Variants in RNF212 observed in about 807,000 individuals in gnomAD.
The protein encoded by RNF212 is ring finger protein 212.
In RNF212, 33 loss-of-function variants were observed where a neutral mutation model predicts 34.7. That is an observed-to-expected ratio of 0.95 (90% CI 0.72 to 1.27). The LOEUF (loss-of-function observed/expected upper bound fraction) is 1.27, where lower values mean the gene tolerates loss of function less well. Among genes scored for constraint, RNF212 ranks in the 50% most tolerant of loss-of-function variants. RNF212 has a pLI of 0.00. For missense variants in RNF212, 377 were observed against 362.2 expected (o/e 1.04, Z -0.33); for synonymous variants, 140 against 136.1 (o/e 1.03, Z -0.20).
chr4:1,085,802 T>G, intron 5 of RNF212, 94 bp downstream of exon 5: 2 of 869,564 alleles, frequency 2.3e-6, no homozygotes, highest in Non-Finnish European at 3.9e-6. Context: ...GCATCTGCAG[T>G]CATCTTTCAT....
In RNF212 at chr4:1,072,986, C is replaced by G; in HGVS notation, c.782G>C (p.Arg261Thr). ...CTGCTGGAACGGAAACAAGACGGCC[C>G]TTTGTACCTCAGCATATATTGGAAG... ...KTLPIYAEVQ[R>T]AVLFPFQQAE... Residue 261 changes from arginine (R) to threonine (T), a missense_variant, in exon 10 of 10, where the codon AGG becomes ACG. Coordinates refer to ENST00000433731, the MANE Select transcript of RNF212 (RefSeq NM_001131034.4). 6.2e-7 allele frequency: 1 copy of G among 1,614,168 alleles called. No individual in the cohort carries two copies. Among genetic ancestry groups the G allele is most frequent in the Non-Finnish European group, 8.5e-7 (1 of 1,180,042 alleles).
chr4:1,071,273 C>A (rs1231056518), downstream of RNF212, among the ~76,000 whole-genome samples: 1 of 149,402 alleles, frequency 6.7e-6, no homozygotes, highest in Non-Finnish European at 1.5e-5. Flanking sequence ...AAAAAACTAA[C>A]TTGGTTTTTA....
downstream of RNF212, among the ~76,000 whole-genome samples, chr4:1,069,374 G>A (rs1336708826): frequency 6.6e-6 from 1 of 152,194 alleles, no homozygotes; most frequent in Non-Finnish European, 1.5e-5. Context: ...GTCATTAGGT[G>A]GTTGATTGTT....
At chr4:1,103,478 T>C (rs1196034307) in intron 2 of RNF212, among the ~76,000 whole-genome samples, 1 of 152,200 alleles carries the variant, frequency 6.6e-6, no homozygotes, top group Admixed American at 6.5e-5. Flanking sequence ...CATATGAACA[T>C]AGGTGCAAAA....
At chr4:1,099,862 G>C (rs1409514834) in intron 2 of RNF212, 1 of 456,226 alleles carries the variant, frequency 2.2e-6, no homozygotes, top group Admixed American at 2.3e-5. Flanking sequence ...GGATCCACGG[G>C]GCTCTCCTCA....
chr4:1,066,037 A>G (rs2153033751), intron 3 of RNF212, among the ~76,000 whole-genome samples: 1 of 150,982 alleles, frequency 6.6e-6, no homozygotes, highest in Admixed American at 6.6e-5. Context: ...TTAAATATAT[A>G]GTAGCCATCC....
At chr4:1,109,097 T>C (rs1490472509) in intron 1 of RNF212, among the ~76,000 whole-genome samples, 8 of 147,362 alleles carry the variant, frequency 5.4e-5, no homozygotes, top group African/African-American at 2.0e-4. Context: ...AACCTCCACC[T>C]CCTGGGTTCA....
chr4:1,076,453 C>T lies in RNF212; in HGVS notation c.511-2791G>A, dbSNP rs1385209476. Among the ~76,000 whole-genome samples the T allele has an allele frequency of 4.6e-5, 7 of 152,206 alleles. No homozygotes were observed. The South Asian group carries it at 1.0e-3, about 23-fold the overall frequency. ...GCAGGAACCCCACCAAGAGCACCCC[C>T]GATAATGCTCTTTCCCATGCAGCCC... On this transcript the variant is annotated intron_variant, in intron 8 of 9. Coordinates refer to ENST00000433731, the MANE Select transcript of RNF212 (RefSeq NM_001131034.4).
intron 4 of RNF212, chr4:1,057,152 G>T: frequency 4.3e-6 from 1 of 233,690 alleles, no homozygotes; most frequent in Non-Finnish European, 7.0e-6. Context: ...CCCCCGCCCG[G>T]CGGCCAGCAG....
intron 8 of RNF212, among the ~76,000 whole-genome samples, chr4:1,078,095 C>A (rs1037802143): frequency 3.3e-5 from 5 of 152,208 alleles, no homozygotes; most frequent in African/African-American, 1.2e-4. Context: ...ACCCATGCCA[C>A]AGGGCTGCTA....
At chr4:1,081,137 G>A (rs986469309) in intron 7 of RNF212, among the ~76,000 whole-genome samples, 1 of 152,262 alleles carries the variant, frequency 6.6e-6, no homozygotes, top group Non-Finnish European at 1.5e-5. Context: ...AACGCCAGTT[G>A]AGCGGGGGGC....
At position 1,073,584 on chromosome 4, in the gene RNF212, G is replaced by A; in HGVS notation, c.574+15C>T. On this transcript the variant is annotated intron_variant, in intron 9 of 9. Transcript: ENST00000433731. Reference sequence around the variant, plus strand: ...ATGCATGTATCGGTCTGAGGTTACAGGACATTTTACTTACCCATTCGTCCA... The same window carrying A: ...ATGCATGTATCGGTCTGAGGTTACAAGACATTTTACTTACCCATTCGTCCA... The A allele has an allele frequency of 6.4e-7, 1 of 1,560,706 alleles. No individual in the cohort carries two copies. The highest frequency in any genetic ancestry group is 8.8e-7 in the Non-Finnish European group (1 of 1,131,702).
intron 7 of RNF212, among the ~76,000 whole-genome samples, 165 bp from the exon 8 acceptor site, chr4:1,079,853 TC>T (rs1720039616): frequency 6.6e-6 from 1 of 152,204 alleles, no homozygotes. Context: ...ACTGCCATTT[TC>T]CTCCCTCTTT....
intron 7 of RNF212, 87 bp from the exon 8 acceptor site, chr4:1,079,775 G>T: frequency 1.1e-6 from 1 of 903,916 alleles, no homozygotes; most frequent in Non-Finnish European, 1.9e-6. Flanking sequence ...ACGAGATGAT[G>T]TGTAAATGTC....
At chr4:1,078,075 G>A (rs1560107856) in intron 8 of RNF212, among the ~76,000 whole-genome samples, 2 of 152,128 alleles carry the variant, frequency 1.3e-5, no homozygotes, top group Admixed American at 6.5e-5. Context: ...ATCCGGCTCC[G>A]GGTGTGATTA....
Position 1,072,798 on chromosome 4 carries a change from G to C in RNF212, c.*76C>G. On this transcript the variant is annotated 3_prime_UTR_variant, in exon 10 of 10. Transcript: ENST00000433731. ...TCCACATAAATGACAAAGGAATAAA[G>C]CAGATAATTTGTAGAAAAAACACAG... is the stretch of plus-strand genomic sequence containing the variant. 6.7e-7 allele frequency: 1 copy of C among 1,486,060 alleles called. No individual in the cohort carries two copies. The highest frequency in any genetic ancestry group is 9.0e-7 in the Non-Finnish European group (1 of 1,114,546). 92.1% of individuals were successfully genotyped at this position (1,486,060 alleles called of 1,614,324 possible). A position where few individuals can be genotyped will look rare whatever the true frequency, so the allele number is the denominator to read the frequency against.
intron 2 of RNF212, among the ~76,000 whole-genome samples, chr4:1,105,139 T>C (rs544943868): frequency 1.5e-4 from 23 of 152,354 alleles, no homozygotes; most frequent in African/African-American, 5.5e-4. Context: ...GCAACTGGCG[T>C]GTCCATGACT....
At chr4:1,093,566 G>A (rs1343691886) in intron 3 of RNF212, 2 of 855,846 alleles carry the variant, frequency 2.3e-6, no homozygotes. Flanking sequence ...CCGGAAGCCT[G>A]AGAGGCACGA....
chr4:1,090,069 G>A (rs907187979), intron 4 of RNF212, among the ~76,000 whole-genome samples: 18 of 151,446 alleles, frequency 1.2e-4, no homozygotes, highest in South Asian at 6.3e-4. Context: ...GTAGCAAGAT[G>A]GCCTGAGTGG....
Sources: allele counts gnomAD v4.1 joint callset (sites outside exome capture counted in the v4.1 genomes callset), GRCh38; gene constraint gnomAD v4.1.1; transcripts MANE v1.5; gene names NCBI Gene and HGNC (gene_info 2026-07-23, HGNC 2026-07-21).